Variants in RNF144A observed in about 807,000 individuals in gnomAD.
The protein encoded by RNF144A is ring finger protein 144A.
A neutral mutation model predicts 38.7 loss-of-function variants in RNF144A; 11 were observed. The observed-to-expected ratio is 0.28, with a 90% CI of 0.18 to 0.47. The LOEUF (loss-of-function observed/expected upper bound fraction) is 0.47. RNF144A is among the 20% of genes least tolerant of loss of function. RNF144A has a pLI of 0.99. For missense variants in RNF144A, 316 were observed against 377.2 expected (o/e 0.84, Z 1.34); for synonymous variants, 149 against 143.9 (o/e 1.04, Z -0.25).
intron 2 of RNF144A, among the ~76,000 whole-genome samples, chr2:6,988,080 G>A (rs956748540): frequency 2.6e-5 from 4 of 152,130 alleles, no homozygotes; most frequent in Non-Finnish European, 5.9e-5. Flanking sequence ...GTGTCAAAGT[G>A]TTTCGTTTAA....
chr2:7,035,160 C>T (rs1672583033), intron 8 of RNF144A, among the ~76,000 whole-genome samples: 1 of 152,206 alleles, frequency 6.6e-6, no homozygotes, highest in Admixed American at 6.5e-5. Flanking sequence ...CTGTGTCTCT[C>T]TCTTGCCCTG....
In RNF144A at chr2:6,942,492, C is replaced by T. The variant is rs549831194; in HGVS notation, c.-12+1345C>T. Among the ~76,000 whole-genome samples the T allele has an allele frequency of 5.9e-5, 9 of 152,294 alleles. No individual in the cohort carries two copies. The South Asian group carries it at 6.2e-4, about 11-fold the overall frequency. On this transcript the variant is annotated intron_variant, in intron 2 of 8. Coordinates refer to ENST00000320892, the MANE Select transcript of RNF144A (RefSeq NM_014746.6). The stretch of plus-strand genomic sequence containing the variant: ...GGGCACACTCTGCAGATAGCAGTAG[C>T]AGCAGCAGCAGGGAAAAGTGGCCAC...
intron 2 of RNF144A, among the ~76,000 whole-genome samples, chr2:6,986,900 T>G (rs983607553): frequency 6.6e-6 from 1 of 152,122 alleles, no homozygotes; most frequent in Non-Finnish European, 1.5e-5. Context: ...CATCCCCCCT[T>G]CAACTCTAAA....
chr2:7,026,477 T>C (rs1671901528), intron 7 of RNF144A, among the ~76,000 whole-genome samples: 1 of 151,464 alleles, frequency 6.6e-6, no homozygotes, highest in Non-Finnish European at 1.5e-5. Context: ...TATTTATTTA[T>C]TTTTGTATTT....
downstream of RNF144A, among the ~76,000 whole-genome samples, chr2:7,069,142 G>A (rs1376664814): frequency 6.6e-6 from 1 of 152,190 alleles, no homozygotes; most frequent in Non-Finnish European, 1.5e-5. Flanking sequence ...CACCTGGTAG[G>A]TGTTGAGTTG....
chr2:7,053,005 G>A lies in RNF144A; in HGVS notation c.735-15211G>A, dbSNP rs547328565. Among the ~76,000 whole-genome samples the A allele has an allele frequency of 1.8e-3, 271 of 152,200 alleles. 7 individuals carry two copies. Among genetic ancestry groups the A allele is most frequent in the Admixed American group, 0.017 (259 of 15,284 alleles). On this transcript the variant is annotated intron_variant, in intron 6 of 6. Coordinates refer to the RNF144A transcript ENST00000432850. ...ACTTCTGTGAAATACTTCCATATGTGTTTAAACTTCTACAACATAATTTTT... is the reference window on the plus strand; with the variant it reads ...ACTTCTGTGAAATACTTCCATATGTATTTAAACTTCTACAACATAATTTTT...
rs931289077 is a variant in RNF144A at position 6,944,155 on chromosome 2, A to G, written c.-12+3008A>G. On this transcript the variant is annotated intron_variant, in intron 2 of 8. Coordinates refer to ENST00000320892, the MANE Select transcript of RNF144A (RefSeq NM_014746.6). The surrounding 1 kb of genome is among the most constrained non-coding windows in gnomAD (Gnocchi z 4.7). ...GAGAGGACAGCGGGTCTGAGGGAGG[A>G]AGGAGCAGAGGAGGAGCCATTGGAG... Among the ~76,000 whole-genome samples the G allele has an allele frequency of 6.6e-6, 1 of 152,030 alleles. No homozygotes were observed. Among genetic ancestry groups the G allele is most frequent in the African/African-American group, 2.4e-5 (1 of 41,376 alleles).
chr2:6,948,094 C>T (rs1026771076), intron 2 of RNF144A, among the ~76,000 whole-genome samples: 1 of 152,230 alleles, frequency 6.6e-6, no homozygotes, highest in African/African-American at 2.4e-5. Context: ...ACGGTGGAAA[C>T]TCAGCAGATA....
chr2:7,045,583 G>T (rs1673274872), downstream of RNF144A, among the ~76,000 whole-genome samples: 4 of 152,134 alleles, frequency 2.6e-5, no homozygotes, highest in African/African-American at 9.7e-5. Flanking sequence ...AAGTCATATT[G>T]GATTAGAGCC....
chr2:7,025,334 C>G (rs1400745599), intron 7 of RNF144A, among the ~76,000 whole-genome samples: 1 of 152,176 alleles, frequency 6.6e-6, no homozygotes, highest in African/African-American at 2.4e-5. Context: ...AATGATGAAG[C>G]TATGATTTTA....
At chr2:6,949,521 T>C (rs1228430977) in intron 2 of RNF144A, among the ~76,000 whole-genome samples, 1 of 152,074 alleles carries the variant, frequency 6.6e-6, no homozygotes, top group East Asian at 1.9e-4. Context: ...ACATCCTCTG[T>C]ATTAAAAGGA....
chr2:6,961,842 G>A (rs1182658168), intron 2 of RNF144A, among the ~76,000 whole-genome samples: 5 of 152,218 alleles, frequency 3.3e-5, no homozygotes, highest in African/African-American at 9.6e-5. Context: ...CCTAGGCAGT[G>A]TGTGGTATTG....
intron 3 of RNF144A, among the ~76,000 whole-genome samples, chr2:7,012,795 A>G (rs1670902215): frequency 6.6e-6 from 1 of 152,218 alleles, no homozygotes; most frequent in Non-Finnish European, 1.5e-5. Context: ...AGTCTCACGT[A>G]GAACTCCAAG....
chr2:6,935,527 G>A (rs777713111), intron 1 of RNF144A, among the ~76,000 whole-genome samples: 2 of 152,198 alleles, frequency 1.3e-5, no homozygotes, highest in African/African-American at 4.8e-5. Flanking sequence ...ATCCCTGCCC[G>A]GGTGAGCTCA....
At chr2:6,925,843 G>GA (rs144352143) in intron 1 of RNF144A, among the ~76,000 whole-genome samples, 2,047 of 152,246 alleles carry the variant, frequency 0.013, 47 homozygotes, top group African/African-American at 0.046. Context: ...TCCTTTGGGG[G>GA]AGACATGATT....
At chr2:7,036,399 A>G (rs181055008) in intron 8 of RNF144A, among the ~76,000 whole-genome samples, 4 of 152,192 alleles carry the variant, frequency 2.6e-5, no homozygotes, top group African/African-American at 9.7e-5. Context: ...CTGTATTCAC[A>G]TGCATCCGTG....
chr2:6,965,222 C>G (rs535937040), intron 2 of RNF144A, among the ~76,000 whole-genome samples: 1 of 152,086 alleles, frequency 6.6e-6, no homozygotes, highest in Admixed American at 6.5e-5. Flanking sequence ...TGCACTGGGA[C>G]GAGGCAAGGC....
chr2:7,068,494 GA>G (rs907567931), downstream of RNF144A, among the ~76,000 whole-genome samples: 6 of 152,218 alleles, frequency 3.9e-5, no homozygotes, highest in African/African-American at 1.4e-4. Flanking sequence ...AGAAGAAGCA[GA>G]AAGAGAGGGT....
chr2:7,053,486 A>C (rs1235303277), intron 6 of RNF144A, among the ~76,000 whole-genome samples: 1 of 152,124 alleles, frequency 6.6e-6, no homozygotes, highest in East Asian at 1.9e-4. Context: ...TCGGTTTTCA[A>C]GTTCTTTCCA....
Sources: allele counts gnomAD v4.1 joint callset (sites outside exome capture counted in the v4.1 genomes callset), GRCh38; gene constraint gnomAD v4.1.1; non-coding constraint Gnocchi (gnomAD v3.1); transcripts MANE v1.5; gene names NCBI Gene and HGNC (gene_info 2026-07-23, HGNC 2026-07-21).